FRMD4A: variants seen among roughly 807,000 people sequenced by gnomAD.
FRMD4A encodes FERM domain containing 4A.
FRMD4A carries 29 observed loss-of-function variants against 129.1 expected under a neutral mutation model. That is an observed-to-expected ratio of 0.22 (90% CI 0.17 to 0.31). FRMD4A has a LOEUF of 0.31. Among genes scored for constraint, FRMD4A ranks in the 10% least tolerant of loss-of-function variants. The pLI is 1.00. For synonymous variants in FRMD4A, 634 were observed against 571.6 expected (o/e 1.11, Z -1.56); for missense variants, 1,272 against 1,375.8 (o/e 0.92, Z 1.19).
chr10:13,724,398 A>T (rs986828536), intron 12 of FRMD4A, among the ~76,000 whole-genome samples: 10 of 151,542 alleles, frequency 6.6e-5, no homozygotes, highest in Admixed American at 5.3e-4. Context: ...AAAAAAAAAA[A>T]GGAGATTTGT....
chr10:13,967,268 C>T (rs1156285881), intron 2 of FRMD4A, among the ~76,000 whole-genome samples: 1 of 151,810 alleles, frequency 6.6e-6, no homozygotes, highest in African/African-American at 2.4e-5. Context: ...ACCCGGGAGG[C>T]GGAGCTTGCG....
chr10:13,765,512 G>C (rs1040942845), intron 6 of FRMD4A, among the ~76,000 whole-genome samples: 1 of 152,188 alleles, frequency 6.6e-6, no homozygotes, highest in South Asian at 2.1e-4. Flanking sequence ...TTTTGAAGGA[G>C]AGATATCTTT....
intron 9 of FRMD4A, among the ~76,000 whole-genome samples, chr10:13,742,133 G>A (rs2135057288): frequency 6.6e-6 from 1 of 152,198 alleles, no homozygotes; most frequent in Non-Finnish European, 1.5e-5. Flanking sequence ...TGGGATTACA[G>A]GCGTGAGCCA....
chr10:14,155,300 A>G (rs1274368047), intron 2 of FRMD4A, among the ~76,000 whole-genome samples: 1 of 152,218 alleles, frequency 6.6e-6, no homozygotes, highest in Non-Finnish European at 1.5e-5. Flanking sequence ...ATCTCTAAAT[A>G]AATACATGAA....
chr10:13,755,750 G>T (rs189107342), intron 8 of FRMD4A, among the ~76,000 whole-genome samples: 1 of 152,196 alleles, frequency 6.6e-6, no homozygotes, highest in South Asian at 2.1e-4. Flanking sequence ...TATACACTAA[G>T]ATTTCTTAGC....
At chr10:13,800,097 G>T (rs1038510051) in intron 4 of FRMD4A, among the ~76,000 whole-genome samples, 6 of 152,126 alleles carry the variant, frequency 3.9e-5, no homozygotes, top group Admixed American at 1.3e-4. Flanking sequence ...CAGAAGAATT[G>T]CTTGAATCCA....
chr10:13,859,725 A>G (rs1018903267), intron 2 of FRMD4A, among the ~76,000 whole-genome samples: 5 of 152,162 alleles, frequency 3.3e-5, no homozygotes, highest in East Asian at 1.9e-4. Context: ...GTGTTAGTTA[A>G]TCGGCCCCCT....
At chr10:13,765,900 A>G (rs1408549804) in intron 6 of FRMD4A, among the ~76,000 whole-genome samples, 2 of 152,156 alleles carry the variant, frequency 1.3e-5, no homozygotes, top group Non-Finnish European at 2.9e-5. Flanking sequence ...GTGCTGTTGT[A>G]TGTGTGCTTT....
chr10:13,914,977 G>A (rs1278862636), intron 2 of FRMD4A, among the ~76,000 whole-genome samples: 1 of 152,112 alleles, frequency 6.6e-6, no homozygotes, highest in East Asian at 1.9e-4. Flanking sequence ...ATGCACCACT[G>A]CACTCCAGCC....
At chr10:14,185,673 C>T (rs554406711) in intron 2 of FRMD4A, among the ~76,000 whole-genome samples, 7 of 152,156 alleles carry the variant, frequency 4.6e-5, no homozygotes, top group African/African-American at 1.2e-4. Context: ...TGCAGATGAG[C>T]AGAAGAGAGG....
At chr10:14,091,265 G>T (rs1028644344) in intron 2 of FRMD4A, among the ~76,000 whole-genome samples, 2 of 151,804 alleles carry the variant, frequency 1.3e-5, no homozygotes, top group African/African-American at 4.8e-5. Flanking sequence ...AGCAGTAAAG[G>T]TATCTCTCAC....
intron 2 of FRMD4A, among the ~76,000 whole-genome samples, chr10:13,901,717 C>T (rs1384818742): frequency 6.6e-6 from 1 of 152,036 alleles, no homozygotes; most frequent in African/African-American, 2.4e-5. Flanking sequence ...ATCTACCAAT[C>T]TCTCAAGTGA....
intron 14 of FRMD4A, among the ~76,000 whole-genome samples, chr10:13,695,101 C>T (rs1008630413): frequency 5.3e-5 from 8 of 152,086 alleles, no homozygotes; most frequent in African/African-American, 1.9e-4. Context: ...AGAAAAAACT[C>T]TATGTTCACA....
intron 2 of FRMD4A, chr10:14,008,038 A>G: frequency 7.7e-7 from 1 of 1,298,752 alleles, no homozygotes; most frequent in Non-Finnish European, 1.0e-6. Context: ...CTGAGAAGCA[A>G]ACAACCCGCC....
At chr10:13,954,492 C>T (rs533785953) in intron 2 of FRMD4A, among the ~76,000 whole-genome samples, 10 of 152,132 alleles carry the variant, frequency 6.6e-5, no homozygotes, top group African/African-American at 1.7e-4. Context: ...AACCTCCCAC[C>T]GGGTCTCTCT....
chr10:13,825,158 CA>C (rs2093683196), intron 3 of FRMD4A, among the ~76,000 whole-genome samples: 1 of 152,062 alleles, frequency 6.6e-6, no homozygotes, highest in Non-Finnish European at 1.5e-5. Context: ...CAACCATAAC[CA>C]ATAATAAAAT....
chr10:13,826,075 C>T (rs948211973), intron 3 of FRMD4A, among the ~76,000 whole-genome samples: 7 of 152,198 alleles, frequency 4.6e-5, no homozygotes, highest in African/African-American at 1.7e-4. Flanking sequence ...AACATTGCAA[C>T]AATAACCTCT....
chr10:13,813,485 T>C (rs1283887471), intron 3 of FRMD4A, among the ~76,000 whole-genome samples: 1 of 152,218 alleles, frequency 6.6e-6, no homozygotes, highest in African/African-American at 2.4e-5. Flanking sequence ...CCTCGAATTA[T>C]GATGGGGCTA....
chr10:13,881,459 C>T (rs570270984), intron 2 of FRMD4A, among the ~76,000 whole-genome samples: 2 of 152,070 alleles, frequency 1.3e-5, no homozygotes, highest in South Asian at 4.2e-4. Flanking sequence ...GTCACACTAT[C>T]CTTATTCTCT....
Sources: allele counts gnomAD v4.1 joint callset (sites outside exome capture counted in the v4.1 genomes callset), GRCh38; gene constraint gnomAD v4.1.1; transcripts MANE v1.5; gene names NCBI Gene and HGNC (gene_info 2026-07-23, HGNC 2026-07-21).